The following SYNE1 variants were observed in gnomAD, a reference collection of about 807,000 sequenced individuals.
SYNE1 encodes the protein spectrin repeat containing nuclear envelope protein 1.
SYNE1 carries 616 observed loss-of-function variants against 1,111.0 expected under a neutral mutation model. That is an observed-to-expected ratio of 0.55 (90% confidence interval 0.52 to 0.59). The LOEUF is 0.59. Among genes scored for constraint, SYNE1 ranks in the 20% least tolerant of loss-of-function variants. The pLI is 0.00. For synonymous variants in SYNE1, 3,855 were observed against 3,825.8 expected, an observed-to-expected ratio of 1.01 and a Z score of -0.28; for missense variants, 10,006 against 10,417.0, an observed-to-expected ratio of 0.96 and a Z score of 1.72.
chr6:152,570,359 C>T (rs1009917823), intron 3 of SYNE1, among the ~76,000 whole-genome samples: 1 of 152,158 alleles, frequency 6.6e-6, no homozygotes, highest in African/African-American at 2.4e-5. Flanking sequence ...ATATATAAAA[C>T]TCATACTCTT....
intron 6 of SYNE1, 70 bp downstream of exon 6, chr6:152,520,389 A>G: frequency 1.4e-6 from 2 of 1,445,708 alleles, no homozygotes; most frequent in Non-Finnish European, 1.9e-6. Context: ...TACAGATAGG[A>G]GCCAATACTG....
intron 21 of SYNE1, 54 bp downstream of exon 21, chr6:152,461,543 C>T: frequency 6.2e-7 from 1 of 1,612,364 alleles, no homozygotes; most frequent in African/African-American, 1.3e-5. Flanking sequence ...AGCAAGCAAG[C>T]TGAAGGCACT....
Position 152,220,925 on chromosome 6 carries a change from C to T in SYNE1, c.21778G>A (p.Asp7260Asn). ...GCCTTCAACAGCTCATTGGTTCGAT[C>T]CTCCTGCTGCTGAACTGTCGAAGCA... ...QCASTVQQQEDRTNELLKAAT... is the reference protein window; with the variant it reads ...QCASTVQQQENRTNELLKAAT... Residue 7260 changes from aspartate (D) to asparagine (N), a missense_variant, in exon 119 of 146, where the codon GAT becomes AAT. This residue lies in a region of SYNE1 where 2,182 missense variants were observed against 2,287.8 expected (regional missense o/e 0.95). Coordinates refer to ENST00000367255, the MANE Select transcript of SYNE1 (RefSeq NM_182961.4). 4 of 1,614,182 alleles carry T rather than the reference C, an allele frequency of 2.5e-6. No individual in the cohort carries two copies. The highest frequency in any genetic ancestry group is 3.4e-6 in the Non-Finnish European group (4 of 1,180,014).
At chr6:152,145,341 T>C (rs1562996686) in intron 137 of SYNE1, 3 of 764,538 alleles carry the variant, frequency 3.9e-6, no homozygotes, top group Non-Finnish European at 4.5e-6. Flanking sequence ...TAACCAGCTG[T>C]TTTTTCTAGT....
chr6:152,166,067 T>C (rs1338731012), intron 130 of SYNE1, among the ~76,000 whole-genome samples: 1 of 152,340 alleles, frequency 6.6e-6, no homozygotes, highest in African/African-American at 2.4e-5. Flanking sequence ...TCAGATTTCG[T>C]AGGATCTGAA....
chr6:152,466,116 A>G (rs2098765364), intron 16 of SYNE1, 38 bp from the exon 17 acceptor site: 1 of 1,341,252 alleles, frequency 7.5e-7, no homozygotes, highest in South Asian at 1.2e-5. Context: ...AGCAAACATT[A>G]GGCTCATGTA....
intron 3 of SYNE1, among the ~76,000 whole-genome samples, chr6:152,573,639 A>G (rs1041992622): frequency 6.6e-6 from 1 of 152,164 alleles, no homozygotes; most frequent in Non-Finnish European, 1.5e-5. Flanking sequence ...TCTTCAAGAA[A>G]TGTCAAGAAT....
chr6:152,445,802 G>C (rs778251327), intron 29 of SYNE1, among the ~76,000 whole-genome samples: 8 of 152,014 alleles, frequency 5.3e-5, no homozygotes, highest in South Asian at 2.1e-4. Context: ...TCAAAGAAAG[G>C]GGCTGAATGT....
chr6:152,224,342 A>G, intron 117 of SYNE1, 152 bp downstream of exon 117: 2 of 805,344 alleles, frequency 2.5e-6, no homozygotes, highest in Admixed American at 5.2e-5. Context: ...TCAAGTAACA[A>G]TAACACAGGT....
intron 13 of SYNE1, among the ~76,000 whole-genome samples, chr6:152,483,582 G>A (rs1400094268): frequency 2.6e-5 from 4 of 152,164 alleles, no homozygotes; most frequent in Admixed American, 2.6e-4. Flanking sequence ...GAAGGGATCA[G>A]GTTTGGTGAC....
At chr6:152,536,715 T>C (rs9384008) in intron 4 of SYNE1, among the ~76,000 whole-genome samples, 52,183 of 151,262 alleles carry the variant, frequency 0.34, 9,390 homozygotes, top group East Asian at 0.45. Flanking sequence ...TTTGCTCAAG[T>C]CAGAAATCTA....
At chr6:152,511,958 A>G (rs2099087296) in intron 6 of SYNE1, among the ~76,000 whole-genome samples, 1 of 152,202 alleles carries the variant, frequency 6.6e-6, no homozygotes, top group African/African-American at 2.4e-5. Context: ...CATCAAAAAC[A>G]TCCTTTTAAT....
rs749055170 is a variant in SYNE1, at chr6:152,433,961, T to C, written c.4311-16A>G. ...GGTTTTAATACTAAAATTAACCAAA[T>C]TAAGTAAATAAAACTCAGTATTTTA... On this transcript the variant is annotated splice_polypyrimidine_tract_variant and intron_variant, in intron 33 of 145. Transcript: ENST00000367255. 6.2e-7 allele frequency: 1 copy of C among 1,602,246 alleles called. No homozygotes were observed. Among genetic ancestry groups the C allele is most frequent in the Non-Finnish European group, 8.5e-7 (1 of 1,171,954 alleles).
At chr6:152,298,674 A>G (rs1234434158) in intron 93 of SYNE1, among the ~76,000 whole-genome samples, 1 of 152,166 alleles carries the variant, frequency 6.6e-6, no homozygotes, top group Non-Finnish European at 1.5e-5. Context: ...TGAAAACTGA[A>G]ACTTAAGGGG....
At chr6:152,131,497 C>T (rs1209181333) in intron 144 of SYNE1, among the ~76,000 whole-genome samples, 2 of 152,054 alleles carry the variant, frequency 1.3e-5, no homozygotes, top group African/African-American at 4.8e-5. Flanking sequence ...AAAAAACAAG[C>T]TTCTAATTAC....
rs531431095 is a variant in SYNE1 at position 152,375,985 on chromosome 6, C to A, written c.9324+396G>T. 494 of 183,638 alleles carry A rather than the reference C, an allele frequency of 2.7e-3. 4 individuals carry two copies. Among genetic ancestry groups the A allele is most frequent in the African/African-American group, 0.01 (436 of 42,292 alleles). 11.4% of individuals were successfully genotyped at this position (183,638 alleles called of 1,614,324 possible). On this transcript the variant is annotated intron_variant, in intron 58 of 145. Coordinates refer to ENST00000367255, the MANE Select transcript of SYNE1 (RefSeq NM_182961.4). ...AAAGATCTAGAGAAGCGGTCCCCAA[C>A]CTTTTTGGCACCAGGGAGTGGTTTC...
intron 130 of SYNE1, among the ~76,000 whole-genome samples, chr6:152,176,175 C>T (rs1018334546): frequency 6.6e-6 from 1 of 152,054 alleles, no homozygotes; most frequent in Non-Finnish European, 1.5e-5. Context: ...CTCTCTTTCT[C>T]GCAGCTACAT....
chr6:152,218,181 G>A, intron 121 of SYNE1, 76 bp downstream of exon 121: 1 of 1,546,760 alleles, frequency 6.5e-7, no homozygotes, highest in Non-Finnish European at 8.9e-7. Context: ...GACAGAGTGA[G>A]ACTCCATCTC....
At chr6:152,208,726 C>T (rs1004459026) in intron 124 of SYNE1, among the ~76,000 whole-genome samples, 3 of 152,234 alleles carry the variant, frequency 2.0e-5, no homozygotes, top group Non-Finnish European at 4.4e-5. Flanking sequence ...CATAAACTCT[C>T]TCAGTATTCC....
Sources: allele counts gnomAD v4.1 joint callset (sites outside exome capture counted in the v4.1 genomes callset), GRCh38; gene constraint gnomAD v4.1.1; regional missense constraint gnomAD v4.1.1; transcripts MANE v1.5; gene names NCBI Gene and HGNC (gene_info 2026-07-23, HGNC 2026-07-21).